The following TRIO variants were observed in gnomAD, a reference collection of about 807,000 sequenced individuals.
The protein encoded by TRIO is triple functional domain protein.
Under a neutral mutation model 351.9 loss-of-function variants are expected in TRIO, and 58 were observed. The ratio of observed to expected loss-of-function variants is 0.16; its 90% CI spans 0.13 to 0.21. The LOEUF is 0.21. Among genes scored for constraint, TRIO ranks in the 10% least tolerant of loss-of-function variants. TRIO has a pLI of 1.00. For synonymous variants in TRIO, 1,758 were observed against 1,595.7 expected, an observed-to-expected ratio of 1.10 and a Z score of -2.42; for missense variants, 3,201 against 4,027.8, an observed-to-expected ratio of 0.79 and a Z score of 5.56.
At chr5:14,432,660 A>G (rs1369798925) in intron 34 of TRIO, among the ~76,000 whole-genome samples, 3 of 152,196 alleles carry the variant, frequency 2.0e-5, no homozygotes, top group Non-Finnish European at 2.9e-5. Flanking sequence ...CCCCTAGTTG[A>G]TTACAGAACT....
chr5:14,343,479 C>T (rs546569059), intron 11 of TRIO, among the ~76,000 whole-genome samples: 2 of 152,318 alleles, frequency 1.3e-5, no homozygotes, highest in Admixed American at 1.3e-4. Flanking sequence ...TTTGTTATTT[C>T]TAAAATGTTA....
At chr5:14,462,588 A>G (rs937244427) in intron 35 of TRIO, among the ~76,000 whole-genome samples, 167 bp from the exon 36 acceptor site, 2 of 152,234 alleles carry the variant, frequency 1.3e-5, no homozygotes, top group Admixed American at 6.5e-5. Flanking sequence ...AAGCAAAGCT[A>G]TTGGGTAGCA....
At chr5:14,415,720 A>G (rs1399571132) in intron 33 of TRIO, among the ~76,000 whole-genome samples, 1 of 152,214 alleles carries the variant, frequency 6.6e-6, no homozygotes, top group Non-Finnish European at 1.5e-5. Context: ...GAAAGAATTC[A>G]GGAAAGGAAC....
intron 3 of TRIO, 51 bp downstream of exon 3, chr5:14,280,487 T>G: frequency 6.7e-7 from 1 of 1,493,440 alleles, no homozygotes; most frequent in Non-Finnish European, 9.3e-7. Context: ...TTACAAGAGA[T>G]GTGGCGCTAT....
At chr5:14,285,433 A>T (rs1325781693) in intron 3 of TRIO, among the ~76,000 whole-genome samples, 1 of 151,630 alleles carries the variant, frequency 6.6e-6, no homozygotes, top group African/African-American at 2.4e-5. Flanking sequence ...CCTCTTACTG[A>T]TGTAGATGTC....
chr5:14,293,748 C>T (rs1223637161), intron 6 of TRIO, among the ~76,000 whole-genome samples: 1 of 152,160 alleles, frequency 6.6e-6, no homozygotes, highest in African/African-American at 2.4e-5. Flanking sequence ...GAAACCAAAA[C>T]CAAACCAAAA....
At chr5:14,507,370 C>G in intron 56 of TRIO, 110 bp downstream of exon 56, 1 of 1,477,870 alleles carries the variant, frequency 6.8e-7, no homozygotes, top group South Asian at 1.3e-5. Context: ...TGACTAGGGA[C>G]AAAAAGGGTG....
At chr5:14,281,433 C>A (rs1735993895) in intron 3 of TRIO, among the ~76,000 whole-genome samples, 1 of 128,672 alleles carries the variant, frequency 7.8e-6, no homozygotes. Context: ...AACCCCCCCC[C>A]CCCGCCCCGT....
intron 1 of TRIO, among the ~76,000 whole-genome samples, chr5:14,166,815 A>T (rs1788793094): frequency 6.6e-6 from 1 of 152,160 alleles, no homozygotes; most frequent in Admixed American, 6.5e-5. Context: ...AAAAGGAGAA[A>T]GGGAGACGGT....
intron 8 of TRIO, among the ~76,000 whole-genome samples, chr5:14,315,512 A>C (rs146191276): frequency 3.9e-5 from 6 of 152,060 alleles, no homozygotes; most frequent in African/African-American, 1.4e-4. Flanking sequence ...CGGCCTCCCA[A>C]AGTGCTGGGA....
chr5:14,481,218 T>G lies in TRIO; in HGVS notation c.6337-16T>G. The G allele has an allele frequency of 1.2e-6, 2 of 1,612,892 alleles. No homozygotes were observed. Among genetic ancestry groups the G allele is most frequent in the Non-Finnish European group, 1.7e-6 (2 of 1,179,524 alleles). ...TCTTTGTCACCATTATCATGTCCTC[T>G]CCATTTCCCTTGCAGGACTTCCTCA... On this transcript the variant is annotated splice_polypyrimidine_tract_variant and intron_variant, in intron 43 of 56. Transcript: ENST00000344204.
intron 11 of TRIO, among the ~76,000 whole-genome samples, chr5:14,343,861 C>T (rs965086599): frequency 6.6e-6 from 1 of 152,302 alleles, no homozygotes; most frequent in Middle Eastern, 3.4e-3. Flanking sequence ...CCAGAATGAG[C>T]GTACCATGGT....
chr5:14,297,280 C>G lies in TRIO; in HGVS notation c.1368+17C>G, dbSNP rs750203856. 69 of 1,609,136 alleles carry G rather than the reference C, an allele frequency of 4.3e-5. No homozygotes were observed. Among genetic ancestry groups the G allele is most frequent in the Non-Finnish European group, 5.7e-5 (67 of 1,177,280 alleles). On this transcript the variant is annotated intron_variant, in intron 7 of 56. Coordinates refer to ENST00000344204, the MANE Select transcript of TRIO (RefSeq NM_007118.4). ...GCCGAAAAGGTCAGTGCCTTGAACC[C>G]CCAGCCCACGAGGTGGTAACCAGAA...
At chr5:14,341,831 C>T (rs1741963514) in intron 11 of TRIO, among the ~76,000 whole-genome samples, 1 of 152,188 alleles carries the variant, frequency 6.6e-6, no homozygotes, top group Non-Finnish European at 1.5e-5. Context: ...AAAAATCATT[C>T]CCACTTGAAT....
chr5:14,189,646 A>C lies in TRIO; in HGVS notation c.157+45764A>C, dbSNP rs189797146. 9.9e-5 allele frequency among the ~76,000 whole-genome samples: 15 copies of C among 152,248 alleles called. 1 individual carries two copies. Among genetic ancestry groups the C allele is most frequent in the African/African-American group, 3.6e-4 (15 of 41,546 alleles). On this transcript the variant is annotated intron_variant, in intron 1 of 56. Transcript: ENST00000344204. The stretch of plus-strand genomic sequence containing the variant: ...AAACGTATTTAGTACTGTTTCTGCC[A>C]GTCTAAGCCTTAAAAAGGTCTGTAG...
intron 34 of TRIO, among the ~76,000 whole-genome samples, chr5:14,437,622 C>T (rs1216964900): frequency 5.3e-5 from 8 of 151,004 alleles, no homozygotes; most frequent in Non-Finnish European, 7.4e-5. Flanking sequence ...GAACTTTCTT[C>T]TGTGCATGTC....
At position 14,402,329 on chromosome 5, in the gene TRIO, G is replaced by T. The variant is rs565134505; in HGVS notation, c.4716+1265G>T. ...CATTTAGGATGTCGTAAATGCTCATGGTACAGTTGACAAATAAGACTCTTC... is the reference window on the plus strand; with the variant it reads ...CATTTAGGATGTCGTAAATGCTCATTGTACAGTTGACAAATAAGACTCTTC... On this transcript the variant is annotated intron_variant, in intron 31 of 56. Transcript: ENST00000344204. 5.0e-4 allele frequency among the ~76,000 whole-genome samples: 76 copies of T among 152,306 alleles called. 1 individual carries two copies. The South Asian group carries it at 0.015, about 30-fold the overall frequency.
intron 1 of TRIO, among the ~76,000 whole-genome samples, chr5:14,192,473 T>C (rs2152153277): frequency 6.6e-6 from 1 of 152,170 alleles, no homozygotes; most frequent in Non-Finnish European, 1.5e-5. Context: ...AAGGTCTCAC[T>C]ATATTGCCCA....
chr5:14,454,634 G>C (rs186706532), intron 34 of TRIO, among the ~76,000 whole-genome samples: 1 of 152,178 alleles, frequency 6.6e-6, no homozygotes, highest in Non-Finnish European at 1.5e-5. Flanking sequence ...TAAGCTCCAG[G>C]TGTATGCCAC....
Sources: gnomAD v4.1 joint callset for allele counts (sites outside exome capture counted in the v4.1 genomes callset) on GRCh38, gnomAD v4.1.1 for gene constraint, MANE v1.5 for transcripts, NCBI Gene and HGNC (gene_info 2026-07-23, HGNC 2026-07-21) for gene names.